Variants in IPO5 observed in about 807,000 individuals in gnomAD.
IPO5 encodes importin 5.
IPO5 carries 18 observed loss-of-function variants against 143.3 expected under a neutral mutation model. The observed-to-expected ratio is 0.13, with a 90% CI of 0.09 to 0.19. IPO5 has a LOEUF of 0.19. Ranked by LOEUF, IPO5 falls within the 10% of genes least tolerant of loss-of-function variation. IPO5 has a pLI of 1.00. For missense variants in IPO5, 1,013 were observed against 1,336.9 expected (o/e 0.76, Z 3.78); for synonymous variants, 477 against 465.7 (o/e 1.02, Z -0.31).
chr13:98,005,878 T>G (rs962393419), intron 16 of IPO5, among the ~76,000 whole-genome samples: 2 of 152,096 alleles, frequency 1.3e-5, no homozygotes, highest in African/African-American at 4.8e-5. Context: ...TAGCTGTGCT[T>G]TGAGATGAGA....
chr13:97,962,716 G>C (rs1395935519), intron 2 of IPO5, among the ~76,000 whole-genome samples: 1 of 152,008 alleles, frequency 6.6e-6, no homozygotes, highest in Admixed American at 6.6e-5. Context: ...CTGCTCAGGA[G>C]GCTGAGGCAC....
In IPO5 at chr13:98,002,746, T is replaced by C; in HGVS notation, c.1296T>C (p.Pro432=). 2 of 1,612,326 alleles carry C rather than the reference T, an allele frequency of 1.2e-6. No homozygotes were observed. Among genetic ancestry groups the C allele is most frequent in the South Asian group, 1.1e-5 (1 of 90,846 alleles). ...AVGQMATDFA[P]GFQKKFHEKV... is the part of the protein sequence containing the mutation. ...GACAGATGGCTACAGATTTTGCACC[T>C]GGTTTCCAAAAGAAATTTCATGAGA... Residue 432 remains proline (P), a synonymous_variant, in exon 15 of 29, where the codon CCT becomes CCC. Transcript: ENST00000651721.
chr13:97,953,995 A>G (rs1289880068), intron 1 of IPO5, 124 bp from the exon 2 acceptor site: 1 of 442,684 alleles, frequency 2.3e-6, no homozygotes, highest in East Asian at 7.1e-5. Flanking sequence ...TGAGCTGGGG[A>G]CTAACTCTGT....
rs926333668 is a variant in IPO5 at position 97,985,675 on chromosome 13, T to C, written c.364+62T>C. ...GGGTATATCCTTCCTTTTTTTTTTT[T>C]TTAATGGAATCTTTTAGAGTAAGAT... On this transcript the variant is annotated intron_variant, in intron 6 of 28. Transcript: ENST00000651721. 9.0e-6 allele frequency: 10 copies of C among 1,110,874 alleles called. No individual in the cohort carries two copies. In the African/African-American group the frequency reaches 1.6e-4, roughly 18 times the overall value. The allele number at this position is 1,110,874 out of a possible 1,614,324, so 68.8% of individuals were successfully genotyped here. A position where few individuals can be genotyped will look rare whatever the true frequency, so the allele number is the denominator to read the frequency against.
chr13:97,975,833 T>C, intron 3 of IPO5: 1 of 751,978 alleles, frequency 1.3e-6, no homozygotes, highest in Non-Finnish European at 1.6e-6. Context: ...GACCGCGGGC[T>C]GGGGACGGGC....
rs1392505250 is a variant in IPO5 at position 98,008,037 on chromosome 13, GTC to G, written c.1717-18_1717-17del. The G allele has an allele frequency of 2.0e-6, 3 of 1,511,000 alleles. No individual in the cohort carries two copies. The highest frequency in any genetic ancestry group is 1.4e-5 in the African/African-American group (1 of 72,684). The allele number at this position is 1,511,000 out of a possible 1,614,324, so 93.6% of individuals were successfully genotyped here. On this transcript the variant is annotated intron_variant, in intron 17 of 28. Coordinates refer to ENST00000651721, the MANE Select transcript of IPO5 (RefSeq NM_002271.6). ...AACAAAATTCGGTATCAACAAGTGT[GTC>G]TCTACATATTTTCCTCTAGTTCATG...
At chr13:97,968,082 C>G (rs1016545822) in intron 2 of IPO5, among the ~76,000 whole-genome samples, 11 of 152,172 alleles carry the variant, frequency 7.2e-5, no homozygotes, top group African/African-American at 2.7e-4. Flanking sequence ...CTCAGCCTTC[C>G]AAAGCACTGT....
chr13:97,984,320 C>A (rs2139654047), intron 5 of IPO5, among the ~76,000 whole-genome samples: 1 of 152,214 alleles, frequency 6.6e-6, no homozygotes, highest in Non-Finnish European at 1.5e-5. Context: ...TGTTTTAATT[C>A]TTGAAGATTA....
intron 2 of IPO5, among the ~76,000 whole-genome samples, chr13:97,958,028 C>A (rs1196097501): frequency 6.6e-6 from 1 of 152,042 alleles, no homozygotes; most frequent in African/African-American, 2.4e-5. Flanking sequence ...CCCTTGCAAT[C>A]AGAAAGAAAA....
rs71117688 is a variant in IPO5 at position 98,010,780 on chromosome 13, C to CTTTTTTTTT, written c.2055+566_2055+574dup. On this transcript the variant is annotated intron_variant, in intron 20 of 28. Transcript: ENST00000651721. ...ATGCGTTTTAAAGTGAAGGATAATC[C>CTTTTTTTTT]TTTTTTTTTTTTTTTTTTGAGGTGG... is the stretch of plus-strand genomic sequence containing the variant. Among the ~76,000 whole-genome samples, 55 of 70,018 alleles carry CTTTTTTTTT rather than the reference C, an allele frequency of 7.9e-4. 8 individuals are homozygous for CTTTTTTTTT. The highest frequency in any genetic ancestry group is 2.6e-3 in the African/African-American group (27 of 10,536). 45.9% of individuals were successfully genotyped at this position (70,018 alleles called of 152,430 possible). A position where few individuals can be genotyped will look rare whatever the true frequency, so the allele number is the denominator to read the frequency against.
At chr13:97,994,202 G>C (rs1021743179) in intron 11 of IPO5, among the ~76,000 whole-genome samples, 1 of 152,164 alleles carries the variant, frequency 6.6e-6, no homozygotes, top group Non-Finnish European at 1.5e-5. Flanking sequence ...CAGCTACTCG[G>C]GAGGCTGAGG....
intron 27 of IPO5, 98 bp downstream of exon 27, chr13:98,019,907 T>G: frequency 1.3e-6 from 1 of 741,814 alleles, no homozygotes; most frequent in Non-Finnish European, 2.4e-6. Flanking sequence ...CCACATGATC[T>G]CTGCACAGTC....
chr13:97,978,563 A>T (rs766407903), intron 4 of IPO5, among the ~76,000 whole-genome samples: 1 of 152,136 alleles, frequency 6.6e-6, no homozygotes, highest in South Asian at 2.1e-4. Context: ...TGGGGATATG[A>T]TGATGCTTTA....
intron 22 of IPO5, among the ~76,000 whole-genome samples, chr13:98,015,258 G>GTT (rs1009794185): frequency 6.6e-6 from 1 of 151,828 alleles, no homozygotes; most frequent in Non-Finnish European, 1.5e-5. Flanking sequence ...GTGTGTGTGT[G>GTT]TGTGTGTGTG....
In IPO5 at chr13:98,006,180, T is replaced by C. The variant is rs1399757172; in HGVS notation, c.1548T>C (p.Ile516=). The C allele has an allele frequency of 2.5e-6, 4 of 1,613,826 alleles. No individual in the cohort carries two copies. The highest frequency in any genetic ancestry group is 3.4e-6 in the Non-Finnish European group (4 of 1,179,968). ...TTTTGGAACAAGTTGTGACATCCAT[T>C]GCATCAGTTGCCGATACTGCAGAAG... ...KLVLEQVVTS[I]ASVADTAEEK... Residue 516 remains isoleucine (I), a synonymous_variant, in exon 17 of 29, where the codon ATT becomes ATC. Transcript: ENST00000651721.
chr13:98,015,487 A>G, intron 22 of IPO5, 43 bp from the exon 23 acceptor site: 3 of 1,158,290 alleles, frequency 2.6e-6, no homozygotes, highest in Non-Finnish European at 3.8e-6. Context: ...GACTCCAAAC[A>G]CCCCAAATCT....
intron 9 of IPO5, among the ~76,000 whole-genome samples, chr13:97,992,257 T>G (rs1278857435): frequency 6.6e-6 from 1 of 152,234 alleles, no homozygotes; most frequent in Non-Finnish European, 1.5e-5. Context: ...GAGTTGTTAT[T>G]CTGAAATAGA....
chr13:97,970,379 G>A (rs1470257680), intron 3 of IPO5, among the ~76,000 whole-genome samples: 1 of 152,092 alleles, frequency 6.6e-6, no homozygotes, highest in African/African-American at 2.4e-5. Flanking sequence ...CCAGCACTTT[G>A]GGAGGCCGAG....
chr13:97,992,337 G>A (rs1296872883), intron 9 of IPO5, among the ~76,000 whole-genome samples: 1 of 152,114 alleles, frequency 6.6e-6, no homozygotes, highest in African/African-American at 2.4e-5. Flanking sequence ...TAAATAAAAT[G>A]GGTAATATTG....
Sources: gnomAD v4.1 joint callset for allele counts (sites outside exome capture counted in the v4.1 genomes callset) on GRCh38, gnomAD v4.1.1 for gene constraint, MANE v1.5 for transcripts, NCBI Gene and HGNC (gene_info 2026-07-23, HGNC 2026-07-21) for gene names.